The following TET2 variants were observed in gnomAD, a reference collection of about 807,000 sequenced individuals.
TET2 encodes methylcytosine dioxygenase TET2.
Under a neutral mutation model 142.9 loss-of-function variants are expected in TET2, and 299 were observed. That is an observed-to-expected ratio of 2.09 (90% confidence interval 1.90 to 2.30). The LOEUF (loss-of-function observed/expected upper bound fraction) is 2.30, where lower values mean the gene tolerates loss of function less well. TET2 is among the 30% of genes most tolerant of loss of function. The probability of loss-of-function intolerance (pLI) is 0.00; values close to 1 mark genes in which losing one functional copy is unlikely to be tolerated. For missense variants in TET2, 2,418 were observed against 2,378.0 expected (o/e 1.02, Z -0.35); for synonymous variants, 819 against 849.0 (o/e 0.96, Z 0.61).
intron 1 of TET2, among the ~76,000 whole-genome samples, chr4:105,167,472 C>T (rs1284512799): frequency 1.3e-5 from 2 of 151,896 alleles, no homozygotes; most frequent in Non-Finnish European, 2.9e-5. Flanking sequence ...TGTATATACA[C>T]ATGTAGTATA....
At chr4:105,151,838 G>A (rs1986799) in intron 1 of TET2, among the ~76,000 whole-genome samples, 16,778 of 152,208 alleles carry the variant, frequency 0.11, 1,187 homozygotes, top group Non-Finnish European at 0.16. Context: ...ACTTTGGGAC[G>A]ACAAGGCAGG....
Position 105,163,485 on chromosome 4 carries a change from C to A in TET2, c.-193+16506C>A, listed in dbSNP as rs145559971. Among the ~76,000 whole-genome samples, 135 of 152,198 alleles carry A rather than the reference C, an allele frequency of 8.9e-4. 1 individual carries two copies. Among genetic ancestry groups the A allele is most frequent in the African/African-American group, 3.2e-3 (132 of 41,518 alleles). ...AAGTAAAGTCAGTTGCCTCAAATAG[C>A]GTAACAAGCTATGTATATTTCTAAT... On this transcript the variant is annotated intron_variant, in intron 1 of 10. Transcript: ENST00000380013.
At chr4:105,229,588 C>T (rs777506904) in intron 2 of TET2, among the ~76,000 whole-genome samples, 18 of 151,706 alleles carry the variant, frequency 1.2e-4, no homozygotes, top group East Asian at 9.7e-4. Context: ...GGACTACAGG[C>T]GTGAGCCACC....
chr4:105,183,044 A>T (rs1028238977), intron 1 of TET2, among the ~76,000 whole-genome samples: 2 of 152,198 alleles, frequency 1.3e-5, no homozygotes, highest in Non-Finnish European at 2.9e-5. Flanking sequence ...TACGAAAAAT[A>T]AAATCATTTT....
chr4:105,212,013 A>G (rs564649771), intron 2 of TET2, among the ~76,000 whole-genome samples: 9 of 152,246 alleles, frequency 5.9e-5, no homozygotes, highest in Non-Finnish European at 1.2e-4. Context: ...CAGTATGCCA[A>G]TGTAGGAATG....
intron 1 of TET2, among the ~76,000 whole-genome samples, chr4:105,154,617 G>C (rs888021118): frequency 2.6e-5 from 4 of 152,162 alleles, no homozygotes; most frequent in Non-Finnish European, 5.9e-5. Flanking sequence ...AGATTCAATA[G>C]ATAGTGATAG....
chr4:105,252,801 T>G (rs1209948169), intron 6 of TET2, among the ~76,000 whole-genome samples: 1 of 152,164 alleles, frequency 6.6e-6, no homozygotes, highest in Admixed American at 6.5e-5. Context: ...CATTTTGCAT[T>G]AATTTTGCAA....
At chr4:105,184,879 G>A (rs1194252750) in intron 1 of TET2, among the ~76,000 whole-genome samples, 1 of 152,148 alleles carries the variant, frequency 6.6e-6, no homozygotes, top group Non-Finnish European at 1.5e-5. Context: ...AAGCACAGAA[G>A]CAGCCAAAGC....
At position 105,236,632 on chromosome 4, in the gene TET2, A is replaced by C. The variant is rs956487472; in HGVS notation, c.2690A>C (p.Gln897Pro). The change falls in exon 3 of 11, where the codon CAG (glutamine) becomes CCG (proline). Residue 897 changes from glutamine (Q) to proline (P), a missense_variant. Physicochemically the swap from Gln to Pro is moderately conservative, Grantham distance 76. Transcript: ENST00000380013. The part of the protein sequence containing the change: ...EQKSQQASVL[Q>P]GYKNRNQDMS... ...AAGTCACAACAAGCTTCAGTTCTACAGGGATATAAAAATAGAAACCAAGAT... is the reference window on the plus strand; with the variant it reads ...AAGTCACAACAAGCTTCAGTTCTACCGGGATATAAAAATAGAAACCAAGAT... 1 of 1,614,104 alleles carries C rather than the reference A, an allele frequency of 6.2e-7. No individual in the cohort carries two copies. Among genetic ancestry groups the C allele is most frequent in the Non-Finnish European group, 8.5e-7 (1 of 1,180,008 alleles).
At chr4:105,225,349 A>G (rs996957198) in intron 2 of TET2, among the ~76,000 whole-genome samples, 1 of 152,034 alleles carries the variant, frequency 6.6e-6, no homozygotes, top group Non-Finnish European at 1.5e-5. Context: ...CCTTCTCACT[A>G]GTTTTTTTGA....
chr4:105,235,260 CAAAGT>C lies in TET2; in HGVS notation c.1321_1325del (p.Ser441HisfsTer12), dbSNP rs1480662065. 1 of 1,613,928 alleles carries C rather than the reference CAAAGT, an allele frequency of 6.2e-7. No homozygotes were observed. The highest frequency in any genetic ancestry group is 1.3e-5 in the African/African-American group (1 of 74,880). On this transcript the variant is annotated frameshift_variant, in exon 3 of 11. Coordinates refer to ENST00000380013, the MANE Select transcript of TET2 (RefSeq NM_001127208.3). LOFTEE classifies it high-confidence loss of function. ...AGAAGAACACCACCACTACCCCAAC[CAAAGT>C]AACACAACACTTTTAAGGGAAGTGA...
chr4:105,241,983 G>C (rs1423212407), intron 4 of TET2: 1 of 1,229,866 alleles, frequency 8.1e-7, no homozygotes, highest in African/African-American at 1.6e-5. Flanking sequence ...ACAAGTACTT[G>C]CCTTTACTCC....
chr4:105,176,656 A>G (rs1724812809), intron 1 of TET2, among the ~76,000 whole-genome samples: 1 of 152,178 alleles, frequency 6.6e-6, no homozygotes, highest in Non-Finnish European at 1.5e-5. Context: ...TAATGAAGAG[A>G]TGTTACATGT....
chr4:105,222,755 A>G (rs1192267157), intron 2 of TET2, among the ~76,000 whole-genome samples: 1 of 151,752 alleles, frequency 6.6e-6, no homozygotes, highest in East Asian at 1.9e-4. Flanking sequence ...TTTTGTTGCC[A>G]TTGCTTTTGG....
At chr4:105,210,074 C>T (rs916392210) in intron 2 of TET2, among the ~76,000 whole-genome samples, 2 of 152,130 alleles carry the variant, frequency 1.3e-5, no homozygotes, top group Non-Finnish European at 2.9e-5. Context: ...GTACCCCTCA[C>T]ACTGATGGGG....
At chr4:105,208,980 A>G (rs910201182) in intron 2 of TET2, among the ~76,000 whole-genome samples, 40 of 147,368 alleles carry the variant, frequency 2.7e-4, no homozygotes, top group African/African-American at 9.1e-4. Flanking sequence ...GCATGCCAGT[A>G]GAATTAAGTT....
rs967732016 is a variant in TET2, at chr4:105,236,670, C to A, written c.2728C>A (p.Gln910Lys). The A allele has an allele frequency of 6.2e-7, 1 of 1,613,942 alleles. No homozygotes were observed. The highest frequency in any genetic ancestry group is 8.5e-7 in the Non-Finnish European group (1 of 1,179,998). The change falls in exon 3 of 11, where the codon CAA becomes AAA. Residue 910 changes from glutamine to lysine, a missense_variant. Coordinates refer to ENST00000380013, the MANE Select transcript of TET2 (RefSeq NM_001127208.3). ...TAGAAACCAAGATATGTCTGGTCAA[C>A]AAGCTGCGCAACTTGCTCAGCAAAG... ...KNRNQDMSGQQAAQLAQQRYL... is the reference protein window; with the variant it reads ...KNRNQDMSGQKAAQLAQQRYL...
chr4:105,278,421 C>G lies in TET2; in HGVS notation c.*1902C>G. The G allele has an allele frequency of 4.7e-6, 1 of 214,892 alleles. No homozygotes were observed. The highest frequency in any genetic ancestry group is 9.3e-6 in the Non-Finnish European group (1 of 107,330). 13.3% of individuals were successfully genotyped at this position (214,892 alleles called of 1,614,324 possible). On this transcript the variant is annotated 3_prime_UTR_variant, in exon 11 of 11. Coordinates refer to ENST00000380013, the MANE Select transcript of TET2 (RefSeq NM_001127208.3). ...TTTTATTGTTAAAAAAAAAAGCATA[C>G]CTTTTTTCAATACTTGATTTCTTAG...
At chr4:105,249,856 G>A (rs762143423) in intron 6 of TET2, among the ~76,000 whole-genome samples, 8 of 152,164 alleles carry the variant, frequency 5.3e-5, no homozygotes, top group Non-Finnish European at 2.9e-5. Flanking sequence ...CCCACAGGTT[G>A]TCGCTTCACT....
Sources: allele counts gnomAD v4.1 joint callset (sites outside exome capture counted in the v4.1 genomes callset), GRCh38; gene constraint gnomAD v4.1.1; transcripts MANE v1.5; gene names NCBI Gene and HGNC (gene_info 2026-07-23, HGNC 2026-07-21).